Variants in PRKG2 observed in about 807,000 individuals in gnomAD.
PRKG2 encodes the protein protein kinase cGMP-dependent 2.
PRKG2 carries 33 observed loss-of-function variants against 97.2 expected under a neutral mutation model. The observed-to-expected ratio is 0.34, with a 90% CI of 0.26 to 0.45. The LOEUF is 0.45. Ranked by LOEUF, PRKG2 falls within the 20% of genes least tolerant of loss-of-function variation. The pLI is 1.00. For synonymous variants in PRKG2, 330 were observed against 321.8 expected, an observed-to-expected ratio of 1.03 and a Z score of -0.27; for missense variants, 638 against 900.0, an observed-to-expected ratio of 0.71 and a Z score of 3.73.
chr4:81,109,977 A>G (rs1743736554), intron 15 of PRKG2, among the ~76,000 whole-genome samples: 1 of 152,228 alleles, frequency 6.6e-6, no homozygotes, highest in South Asian at 2.1e-4. Context: ...TAAAATTTAA[A>G]TCCAGAAATG....
intron 9 of PRKG2, among the ~76,000 whole-genome samples, chr4:81,145,909 T>G (rs745786224): frequency 2.0e-5 from 3 of 152,164 alleles, no homozygotes; most frequent in Admixed American, 6.6e-5. Flanking sequence ...TTACTGCCTC[T>G]ACCCATTTAC....
intron 5 of PRKG2, among the ~76,000 whole-genome samples, chr4:81,167,694 C>T (rs1750108354): frequency 1.3e-5 from 2 of 151,990 alleles, no homozygotes; most frequent in African/African-American, 4.8e-5. Flanking sequence ...TGGGAATTGA[C>T]ATTGAAATGA....
chr4:81,205,196 G>T, intron 1 of PRKG2, 136 bp from the exon 2 acceptor site: 1 of 554,080 alleles, frequency 1.8e-6, no homozygotes, highest in Non-Finnish European at 2.9e-6. Context: ...TAAACTTCCC[G>T]AAGTTTCCAG....
chr4:81,102,603 T>C (rs1190624634), intron 17 of PRKG2, among the ~76,000 whole-genome samples: 1 of 152,202 alleles, frequency 6.6e-6, no homozygotes, highest in Non-Finnish European at 1.5e-5. Context: ...AGTACAAGCA[T>C]TTTGATTCTA....
At chr4:81,204,502 A>G in intron 2 of PRKG2, 85 bp downstream of exon 2, 3 of 1,369,682 alleles carry the variant, frequency 2.2e-6, no homozygotes, top group Middle Eastern at 1.9e-4. Context: ...TATGTTCTTT[A>G]TCATTAAGGA....
intron 15 of PRKG2, among the ~76,000 whole-genome samples, chr4:81,109,608 T>C (rs974077967): frequency 6.6e-6 from 1 of 152,208 alleles, no homozygotes; most frequent in Admixed American, 6.5e-5. Context: ...TTCTAATCTA[T>C]AAAATGTAAA....
intron 3 of PRKG2, among the ~76,000 whole-genome samples, chr4:81,173,236 A>G (rs1750645953): frequency 6.6e-6 from 1 of 152,178 alleles, no homozygotes; most frequent in Admixed American, 6.6e-5. Flanking sequence ...CAGGCAATTC[A>G]GTCCTTGGGT....
At chr4:81,217,235 T>C (rs954995839), upstream of PRKG2, among the ~76,000 whole-genome samples, 2 of 151,814 alleles carry the variant, frequency 1.3e-5, no homozygotes, top group African/African-American at 4.8e-5. Context: ...ATGTACTGGG[T>C]CAAAGCCAGC....
upstream of PRKG2, among the ~76,000 whole-genome samples, chr4:81,215,326 G>A (rs1229977703): frequency 2.0e-5 from 3 of 152,230 alleles, no homozygotes; most frequent in Non-Finnish European, 4.4e-5. Flanking sequence ...CCCTAAAGGT[G>A]GGGTCACCCG....
rs181350341 is a variant in PRKG2, at chr4:81,120,869, C to T, written c.1777-10258G>A. 2.8e-4 allele frequency among the ~76,000 whole-genome samples: 42 copies of T among 152,260 alleles called. No homozygotes were observed. The South Asian group carries it at 6.2e-3, about 23-fold the overall frequency. The stretch of plus-strand genomic sequence containing the variant: ...TAAGAGAAGACATCTTTGCCTTATT[C>T]CTGATCTTAGTGGAAAAGTTTCTGG... On this transcript the variant is annotated intron_variant, in intron 14 of 18. Transcript: ENST00000264399.
intron 15 of PRKG2, among the ~76,000 whole-genome samples, chr4:81,107,234 G>T (rs1208328394): frequency 6.6e-6 from 1 of 152,158 alleles, no homozygotes; most frequent in Non-Finnish European, 1.5e-5. Flanking sequence ...TGCTAAGCAG[G>T]AAGGTAGATT....
chr4:81,097,911 G>A (rs577058008), intron 17 of PRKG2, among the ~76,000 whole-genome samples: 59 of 152,248 alleles, frequency 3.9e-4, no homozygotes, highest in Non-Finnish European at 5.4e-4. Flanking sequence ...TCTCTGTAAA[G>A]ACTACTAAAA....
intron 8 of PRKG2, among the ~76,000 whole-genome samples, chr4:81,149,242 A>G (rs1231449297): frequency 6.6e-6 from 1 of 152,186 alleles, no homozygotes; most frequent in Non-Finnish European, 1.5e-5. Context: ...GCTTTGTGAA[A>G]GTCAAAATAA....
chr4:81,093,456 C>A (rs1432937766), intron 17 of PRKG2, among the ~76,000 whole-genome samples: 1 of 151,698 alleles, frequency 6.6e-6, no homozygotes, highest in African/African-American at 2.4e-5. Context: ...GCATCTATAG[C>A]TATCTAACAT....
At chr4:81,196,154 C>A (rs1752948697) in intron 2 of PRKG2, among the ~76,000 whole-genome samples, 1 of 152,196 alleles carries the variant, frequency 6.6e-6, no homozygotes, top group African/African-American at 2.4e-5. Flanking sequence ...CAGCTGACAG[C>A]TAGCAAGAAA....
At chr4:81,169,504 T>G (rs1341464724) in intron 5 of PRKG2, among the ~76,000 whole-genome samples, 159 bp downstream of exon 5, 1 of 152,134 alleles carries the variant, frequency 6.6e-6, no homozygotes, top group Non-Finnish European at 1.5e-5. Context: ...GTTTTTGGTA[T>G]GTACTGGCAT....
rs561088353 is a variant in PRKG2 at position 81,211,733 on chromosome 4, G to GA, written c.-14+3202dup. Among the ~76,000 whole-genome samples, 177 of 152,064 alleles carry GA rather than the reference G, an allele frequency of 1.2e-3. 1 individual carries two copies. The highest frequency in any genetic ancestry group is 4.2e-3 in the African/African-American group (173 of 41,496). ...AATGACTTGAACTTCTTGAACTCAAGAAAAAAATTGACCATCTCCGTGGTA... is the reference window on the plus strand; with the variant it reads ...AATGACTTGAACTTCTTGAACTCAAGAAAAAAAATTGACCATCTCCGTGGTA... On this transcript the variant is annotated intron_variant, in intron 1 of 18. Transcript: ENST00000264399.
chr4:81,184,245 G>A (rs1387441943), intron 2 of PRKG2, among the ~76,000 whole-genome samples: 1 of 152,170 alleles, frequency 6.6e-6, no homozygotes, highest in Non-Finnish European at 1.5e-5. Flanking sequence ...ATACAGGAGA[G>A]CTCCAGCTGG....
intron 3 of PRKG2, chr4:81,173,991 C>T (rs1750710471): frequency 6.6e-6 from 1 of 151,916 alleles, no homozygotes; most frequent in Admixed American, 6.6e-5. Flanking sequence ...TGTGACAAAA[C>T]GTTCTATAAC....
Sources: allele counts gnomAD v4.1 joint callset (sites outside exome capture counted in the v4.1 genomes callset), GRCh38; gene constraint gnomAD v4.1.1; transcripts MANE v1.5; gene names NCBI Gene and HGNC (gene_info 2026-07-23, HGNC 2026-07-21).